The following ANKS1B variants were observed in gnomAD, a reference collection of about 807,000 sequenced individuals.
ANKS1B encodes the protein ankyrin repeat and sterile alpha motif domain containing 1B.
A neutral mutation model predicts 148.3 loss-of-function variants in ANKS1B; 36 were observed. The observed-to-expected ratio is 0.24, with a 90% confidence interval of 0.19 to 0.32. The LOEUF (loss-of-function observed/expected upper bound fraction) is 0.32. Among genes scored for constraint, ANKS1B ranks in the 10% least tolerant of loss-of-function variants. ANKS1B has a pLI of 1.00. For missense variants in ANKS1B, 1,157 were observed against 1,542.6 expected (o/e 0.75, Z 4.19); for synonymous variants, 542 against 560.8 (o/e 0.97, Z 0.47).
At chr12:99,057,539 CAGTT>C (rs1168238775) in intron 16 of ANKS1B, among the ~76,000 whole-genome samples, 11 of 152,162 alleles carry the variant, frequency 7.2e-5, no homozygotes, top group African/African-American at 2.4e-4. Context: ...CTTCAGCCGA[CAGTT>C]ATTTTTTAGA....
intron 1 of ANKS1B, among the ~76,000 whole-genome samples, chr12:99,849,256 T>C (rs960671732): frequency 4.6e-5 from 7 of 152,148 alleles, no homozygotes; most frequent in African/African-American, 1.4e-4. Context: ...CAAATATATA[T>C]ATGTGTGTGT....
intron 25 of ANKS1B, among the ~76,000 whole-genome samples, chr12:98,770,150 C>G (rs1299862151): frequency 1.3e-5 from 2 of 152,172 alleles, no homozygotes; most frequent in South Asian, 2.1e-4. Flanking sequence ...TCATTTCACT[C>G]CTGGTGAAAA....
At chr12:99,281,434 A>G (rs1271052491) in intron 12 of ANKS1B, among the ~76,000 whole-genome samples, 2 of 152,188 alleles carry the variant, frequency 1.3e-5, no homozygotes, top group South Asian at 2.1e-4. Context: ...GGGGTGCTTT[A>G]CCATGACCAG....
intron 14 of ANKS1B, among the ~76,000 whole-genome samples, chr12:99,207,908 A>C (rs1392189621): frequency 6.6e-6 from 1 of 152,038 alleles, no homozygotes; most frequent in Non-Finnish European, 1.5e-5. Context: ...AATCTTGTGA[A>C]AGGAACTCTA....
intron 9 of ANKS1B, among the ~76,000 whole-genome samples, chr12:99,545,780 T>TTATATA (rs35241137): frequency 6.8e-6 from 1 of 146,316 alleles, no homozygotes; most frequent in South Asian, 2.1e-4. Context: ...CATATATAAA[T>TTATATA]TATATATATA....
At chr12:98,848,743 G>GTTTTTTTTTTTTTTTTTTTTTTT (rs10695483) in intron 17 of ANKS1B, among the ~76,000 whole-genome samples, 2 of 48,090 alleles carry the variant, frequency 4.2e-5, no homozygotes, top group Non-Finnish European at 7.1e-5. Flanking sequence ...TGTATGTGTG[G>GTTTTTTTTTTTTTTTTTTTTTTT]TTTTTTTTTT....
intron 14 of ANKS1B, among the ~76,000 whole-genome samples, chr12:99,160,185 T>C (rs1420801027): frequency 2.0e-5 from 3 of 152,254 alleles, no homozygotes; most frequent in Non-Finnish European, 2.9e-5. Context: ...ATCTTTTTAC[T>C]CTGTTGATAA....
At chr12:99,190,035 A>G (rs1259644362) in intron 14 of ANKS1B, among the ~76,000 whole-genome samples, 1 of 152,176 alleles carries the variant, frequency 6.6e-6, no homozygotes, top group Admixed American at 6.5e-5. Context: ...AAGCATTCCT[A>G]TACATCAATA....
chr12:99,715,827 C>T (rs2057248473), intron 8 of ANKS1B, among the ~76,000 whole-genome samples: 1 of 152,226 alleles, frequency 6.6e-6, no homozygotes, highest in African/African-American at 2.4e-5. Context: ...TGGCACCACC[C>T]TTCAATCTCT....
In ANKS1B at chr12:99,914,181, T is replaced by C. The variant is rs118172092; in HGVS notation, c.134+69923A>G. On this transcript the variant is annotated intron_variant, in intron 1 of 26. Coordinates refer to ENST00000683438, the MANE Select transcript of ANKS1B (RefSeq NM_001352186.2). ...TTGGGGAAAACCCTAATAAGACTGTTGGTAATAGAAATAGCACTAGAAAGC... is the reference window on the plus strand; with the variant it reads ...TTGGGGAAAACCCTAATAAGACTGTCGGTAATAGAAATAGCACTAGAAAGC... Among the ~76,000 whole-genome samples the C allele has an allele frequency of 1.5e-3, 234 of 152,268 alleles. 13 individuals carry two copies. In the East Asian group the frequency reaches 0.042, roughly 27 times the overall value.
chr12:99,435,229 A>G (rs1235082025), intron 11 of ANKS1B, among the ~76,000 whole-genome samples: 1 of 151,978 alleles, frequency 6.6e-6, no homozygotes, highest in Non-Finnish European at 1.5e-5. Context: ...CTGACCCTGT[A>G]CTGTGCCATT....
At position 99,864,750 on chromosome 12, in the gene ANKS1B, T is replaced by C. The variant is rs936852594; in HGVS notation, c.135-39361A>G. 5.9e-5 allele frequency among the ~76,000 whole-genome samples: 9 copies of C among 152,230 alleles called. No individual in the cohort carries two copies. In the South Asian group the frequency reaches 8.3e-4, roughly 14 times the overall value. ...CATCTACCTTGGAAAGTTGCCAGGATATAAATTACATATTTTAAAAGCATG... is the reference window on the plus strand; with the variant it reads ...CATCTACCTTGGAAAGTTGCCAGGACATAAATTACATATTTTAAAAGCATG... On this transcript the variant is annotated intron_variant, in intron 1 of 26. Transcript: ENST00000683438.
At chr12:99,839,738 C>G (rs975870657) in intron 1 of ANKS1B, among the ~76,000 whole-genome samples, 8 of 152,006 alleles carry the variant, frequency 5.3e-5, no homozygotes, top group Admixed American at 3.3e-4. Flanking sequence ...AACTAAGGTA[C>G]AGAGTAGTGA....
chr12:98,978,374 G>A (rs116154395), intron 17 of ANKS1B, among the ~76,000 whole-genome samples: 1,807 of 152,090 alleles, frequency 0.012, 33 homozygotes, highest in African/African-American at 0.041. Context: ...GTATAAATCT[G>A]TAGTTTATTT....
chr12:99,523,349 A>G (rs1336982686), intron 9 of ANKS1B, among the ~76,000 whole-genome samples: 1 of 152,204 alleles, frequency 6.6e-6, no homozygotes, highest in Non-Finnish European at 1.5e-5. Flanking sequence ...TTTAAAAGGT[A>G]AAATAGTGAT....
At chr12:99,785,608 T>C (rs764659083) in intron 4 of ANKS1B, among the ~76,000 whole-genome samples, 1 of 152,042 alleles carries the variant, frequency 6.6e-6, no homozygotes. Context: ...AATTTTTGTA[T>C]GTTTAGTAGA....
At chr12:99,943,166 T>C (rs1289103809) in intron 1 of ANKS1B, among the ~76,000 whole-genome samples, 2 of 152,156 alleles carry the variant, frequency 1.3e-5, no homozygotes, top group East Asian at 3.8e-4. Flanking sequence ...GAAACTCTGA[T>C]CAAACCACAT....
At chr12:99,261,812 C>A (rs2075951918) in intron 12 of ANKS1B, among the ~76,000 whole-genome samples, 1 of 152,126 alleles carries the variant, frequency 6.6e-6, no homozygotes, top group South Asian at 2.1e-4. Flanking sequence ...TGTCACTCCT[C>A]TGCTCAAAAC....
intron 8 of ANKS1B, among the ~76,000 whole-genome samples, chr12:99,754,021 C>T (rs752189240): frequency 1.3e-5 from 2 of 151,640 alleles, no homozygotes; most frequent in Non-Finnish European, 2.9e-5. Flanking sequence ...AAAACTCCAT[C>T]TCAAAAATAA....
Sources: gnomAD v4.1 joint callset for allele counts (sites outside exome capture counted in the v4.1 genomes callset) on GRCh38, gnomAD v4.1.1 for gene constraint, MANE v1.5 for transcripts, NCBI Gene and HGNC (gene_info 2026-07-23, HGNC 2026-07-21) for gene names.